The following PDPR variants were observed in gnomAD, a reference collection of about 807,000 sequenced individuals.
The protein encoded by PDPR is pyruvate dehydrogenase phosphatase regulatory subunit, also known as pyruvate dehydrogenase phosphatase regulatory subunit, mitochondrial.
A neutral mutation model predicts 102.2 loss-of-function variants in PDPR; 50 were observed. The ratio of observed to expected loss-of-function variants is 0.49; its 90% CI spans 0.39 to 0.62. The LOEUF (loss-of-function observed/expected upper bound fraction) is 0.62, where lower values mean the gene tolerates loss of function less well. Among genes scored for constraint, PDPR ranks in the 20% least tolerant of loss-of-function variants. The pLI, the probability that PDPR is intolerant of heterozygous loss-of-function variation, is 0.00. For missense variants in PDPR, 625 were observed against 1,098.2 expected (o/e 0.57, Z 6.09); for synonymous variants, 259 against 406.0 (o/e 0.64, Z 4.35).
chr16:70,151,436 G>A (rs550779550), intron 17 of PDPR, among the ~76,000 whole-genome samples: 7 of 152,384 alleles, frequency 4.6e-5, no homozygotes, highest in South Asian at 2.1e-4. Flanking sequence ...TAATATCAGC[G>A]CATGAAATTT....
chr16:70,119,955 C>CGCCCAGGCTGGAGTGCA (rs1963059238), intron 2 of PDPR, among the ~76,000 whole-genome samples: 2 of 149,738 alleles, frequency 1.3e-5, no homozygotes, highest in Non-Finnish European at 2.9e-5. Flanking sequence ...CTCGCTCTGT[C>CGCCCAGGCTGGAGTGCA]GCCCAGGCTG....
At chr16:70,140,165 GTC>G (rs909570614) in intron 11 of PDPR, among the ~76,000 whole-genome samples, 25 of 152,342 alleles carry the variant, frequency 1.6e-4, no homozygotes, top group Admixed American at 1.6e-3. Context: ...GCGAAACCCT[GTC>G]TCTACTAAAA....
In PDPR at chr16:70,157,039, T is replaced by A; in HGVS notation, c.*160T>A. The A allele has an allele frequency of 1.8e-6, 2 of 1,093,654 alleles. No homozygotes were observed. The highest frequency in any genetic ancestry group is 1.3e-6 in the Non-Finnish European group (1 of 742,644). 67.7% of individuals were successfully genotyped at this position (1,093,654 alleles called of 1,614,324 possible). A position where few individuals can be genotyped will look rare whatever the true frequency, so the allele number is the denominator to read the frequency against. Reference sequence around the variant, plus strand: ...TTGAACTTGACCTACTTTAAACTTTTTTGCTCTGCAGCCTTCCTTGCCCTT... The same window carrying A: ...TTGAACTTGACCTACTTTAAACTTTATTGCTCTGCAGCCTTCCTTGCCCTT... On this transcript the variant is annotated 3_prime_UTR_variant, in exon 19 of 19. Coordinates refer to ENST00000288050, the MANE Select transcript of PDPR (RefSeq NM_017990.5).
chr16:70,124,758 A>T (rs1963746744), intron 3 of PDPR, among the ~76,000 whole-genome samples: 1 of 152,230 alleles, frequency 6.6e-6, no homozygotes, highest in Non-Finnish European at 1.5e-5. Context: ...ACAGTTACAA[A>T]GATGATAGAA....
Position 70,132,441 on chromosome 16 carries a change from G to A in PDPR, c.997+141G>A, listed in dbSNP as rs1449300899. ...AACAGTGGTTACAGAGGGTGAGTTTGCCTGGTCTGAGGATGGAGTTACTAG... is the reference window on the plus strand; with the variant it reads ...AACAGTGGTTACAGAGGGTGAGTTTACCTGGTCTGAGGATGGAGTTACTAG... On this transcript the variant is annotated intron_variant, in intron 9 of 18. Coordinates refer to ENST00000288050, the MANE Select transcript of PDPR (RefSeq NM_017990.5). 37 of 763,368 alleles carry A rather than the reference G, an allele frequency of 4.8e-5. No individual in the cohort carries two copies. The Admixed American group carries it at 5.5e-4, about 11-fold the overall frequency. The allele number at this position is 763,368 out of a possible 1,614,324, so 47.3% of individuals were successfully genotyped here. A position where few individuals can be genotyped will look rare whatever the true frequency, so the allele number is the denominator to read the frequency against.
At chr16:70,153,222 C>T (rs1353734122) in intron 17 of PDPR, among the ~76,000 whole-genome samples, 169 bp from the exon 18 acceptor site, 3 of 152,278 alleles carry the variant, frequency 2.0e-5, no homozygotes, top group Admixed American at 6.5e-5. Flanking sequence ...GACCCCAGCT[C>T]ATCACTCCTG....
chr16:70,138,802 T>C, intron 10 of PDPR, 97 bp from the exon 11 acceptor site: 2 of 1,590,634 alleles, frequency 1.3e-6, no homozygotes, highest in Non-Finnish European at 1.7e-6. Flanking sequence ...TCTATGGCAA[T>C]TTAGGATCTT....
At position 70,156,989 on chromosome 16, in the gene PDPR, C is replaced by T. The variant is rs1597389696; in HGVS notation, c.*110C>T. ...TTCCTCTTCTGGAGCCTTTGCCTCCCATCTCTTATCTCCTTGATATAATTT... is the reference window on the plus strand; with the variant it reads ...TTCCTCTTCTGGAGCCTTTGCCTCCTATCTCTTATCTCCTTGATATAATTT... On this transcript the variant is annotated 3_prime_UTR_variant, in exon 19 of 19. Transcript: ENST00000288050. 1.4e-6 allele frequency: 2 copies of T among 1,414,558 alleles called. No individual in the cohort carries two copies. Among genetic ancestry groups the T allele is most frequent in the East Asian group, 2.5e-5 (1 of 39,988 alleles). 87.6% of individuals were successfully genotyped at this position (1,414,558 alleles called of 1,614,324 possible).
At chr16:70,134,555 G>A (rs1488507306) in intron 9 of PDPR, among the ~76,000 whole-genome samples, 1 of 150,546 alleles carries the variant, frequency 6.6e-6, no homozygotes, top group Non-Finnish European at 1.5e-5. Flanking sequence ...CACTTTGGGA[G>A]GCCAAGGCGG....
chr16:70,149,019 C>T (rs1219040533), intron 17 of PDPR, among the ~76,000 whole-genome samples: 4 of 151,874 alleles, frequency 2.6e-5, no homozygotes, highest in South Asian at 4.2e-4. Flanking sequence ...CTCCGCCTCC[C>T]GAGTAGCTGG....
intron 3 of PDPR, among the ~76,000 whole-genome samples, chr16:70,125,646 T>C (rs1963887831): frequency 6.6e-6 from 1 of 152,114 alleles, no homozygotes; most frequent in South Asian, 2.1e-4. Context: ...TCTTTCTTTT[T>C]TTTTTTAAGA....
intron 18 of PDPR, among the ~76,000 whole-genome samples, chr16:70,155,700 T>TGCCTGGCCA (rs1967083531): frequency 6.6e-6 from 1 of 152,244 alleles, no homozygotes; most frequent in Non-Finnish European, 1.5e-5. Context: ...ATAATCACCG[T>TGCCTGGCCA]TAATAGTTTA....
chr16:70,126,488 C>T (rs1283295560), intron 3 of PDPR, among the ~76,000 whole-genome samples: 6 of 152,354 alleles, frequency 3.9e-5, no homozygotes, highest in African/African-American at 1.2e-4. Context: ...CTCAGCCTCC[C>T]GAGTAGCTGG....
rs1201065640 is a variant in PDPR, at chr16:70,138,207, ATT to A, written c.1191-665_1191-664del. 6.1e-3 allele frequency among the ~76,000 whole-genome samples: 574 copies of A among 93,900 alleles called. 1 individual carries two copies. Among genetic ancestry groups the A allele is most frequent in the African/African-American group, 0.023 (505 of 22,290 alleles). The allele number at this position is 93,900 out of a possible 152,430, so 61.6% of individuals were successfully genotyped here. On this transcript the variant is annotated intron_variant, in intron 10 of 18. Coordinates refer to ENST00000288050, the MANE Select transcript of PDPR (RefSeq NM_017990.5). Reference sequence around the variant, plus strand: ...CAGGCATGTGCCACCACGCCGGCTAATTTTTTTTTTTTTTTTTTTTTTTTTTT... The same window carrying A: ...CAGGCATGTGCCACCACGCCGGCTAATTTTTTTTTTTTTTTTTTTTTTTTT...
chr16:70,125,391 C>CA (rs1555521452), intron 3 of PDPR, among the ~76,000 whole-genome samples: 1 of 144,996 alleles, frequency 6.9e-6, no homozygotes, highest in Non-Finnish European at 1.5e-5. Flanking sequence ...AACAAACAAA[C>CA]AAAAAAACAA....
Position 70,114,819 on chromosome 16 carries a change from A to C in PDPR, c.-142-2A>C, listed in dbSNP as rs1962477831. The C allele has an allele frequency of 6.6e-6, 1 of 152,266 alleles. No individual in the cohort carries two copies. Among genetic ancestry groups the C allele is most frequent in the South Asian group, 2.1e-4 (1 of 4,836 alleles). 9.4% of individuals were successfully genotyped at this position (152,266 alleles called of 1,614,324 possible). ...GTCTAGCCCGGTCCTCCATCCCTGCAGATGGAACTGTTTTCCCGCGTTGAG... is the reference window on the plus strand; with the variant it reads ...GTCTAGCCCGGTCCTCCATCCCTGCCGATGGAACTGTTTTCCCGCGTTGAG... On this transcript the variant is annotated splice_acceptor_variant, in intron 1 of 18. Coordinates refer to ENST00000288050, the MANE Select transcript of PDPR (RefSeq NM_017990.5). LOFTEE classifies it low-confidence loss of function (5UTR_SPLICE).
chr16:70,114,611 C>T (rs148918602), intron 1 of PDPR, among the ~76,000 whole-genome samples, 171 bp downstream of exon 1: 2 of 152,308 alleles, frequency 1.3e-5, no homozygotes, highest in Admixed American at 1.3e-4. Flanking sequence ...GTCCGGGCGC[C>T]AGTACTCGTC....
rs1163320642 is a variant in PDPR, at chr16:70,132,278, A to G, written c.975A>G (p.Leu325=). The change falls in exon 9 of 19, where the codon CTA becomes CTG. Residue 325 remains leucine (L), a synonymous_variant. Coordinates refer to ENST00000288050, the MANE Select transcript of PDPR (RefSeq NM_017990.5). ...AGAACCAGCTGGAGATTCAGAATCT[A>G]CAGGAAGACTGGGATCACTTTGGTA... is the stretch of plus-strand genomic sequence containing the variant. ...EGKNQLEIQN[L]QEDWDHFEPL... is the part of the protein sequence containing the mutation. 5.0e-6 allele frequency: 8 copies of G among 1,613,798 alleles called. No homozygotes were observed. In the African/African-American group the frequency reaches 5.3e-5, roughly 11 times the overall value.
rs565130322 is a variant in PDPR at position 70,156,488 on chromosome 16, T to C, written c.2249T>C (p.Ile750Thr). 1.3e-5 allele frequency: 21 copies of C among 1,613,632 alleles called. No individual in the cohort carries two copies. Among genetic ancestry groups the C allele is most frequent in the East Asian group, 6.7e-5 (3 of 44,862 alleles). The change falls in exon 19 of 19, where the codon ATT becomes ACT. Residue 750 changes from isoleucine (I) to threonine (T), a missense_variant. This residue lies in a region of PDPR where 303 missense variants were observed against 258.9 expected (regional missense o/e 1.17). Transcript: ENST00000288050. ...TTTCTTTCTTAGGGCATGGATTTCA[T>C]TGGTCGCGACGCCCTCCTGCAGCAG... ...RVKLEKGMDF[I>T]GRDALLQQKQ...
Sources: allele counts gnomAD v4.1 joint callset (sites outside exome capture counted in the v4.1 genomes callset), GRCh38; gene constraint gnomAD v4.1.1; regional missense constraint gnomAD v4.1.1; transcripts MANE v1.5; gene names NCBI Gene and HGNC (gene_info 2026-07-23, HGNC 2026-07-21).